SSBP2: variants seen among roughly 807,000 people sequenced by gnomAD.
SSBP2 encodes the protein single-stranded DNA-binding protein 2.
In SSBP2, 17 loss-of-function variants were observed where a neutral mutation model predicts 61.8. That is an observed-to-expected ratio of 0.28 (90% CI 0.19 to 0.41). The LOEUF (loss-of-function observed/expected upper bound fraction) is 0.41. SSBP2 is among the 10% of genes least tolerant of loss of function. SSBP2 has a pLI of 1.00. For synonymous variants in SSBP2, 139 were observed against 141.3 expected, an observed-to-expected ratio of 0.98 and a Z score of 0.12; for missense variants, 310 against 458.7, an observed-to-expected ratio of 0.68 and a Z score of 2.96.
At chr5:81,446,040 A>C (rs939487692) in intron 12 of SSBP2, among the ~76,000 whole-genome samples, 1 of 152,172 alleles carries the variant, frequency 6.6e-6, no homozygotes, top group Non-Finnish European at 1.5e-5. Context: ...ACTAAAATTG[A>C]ATTAGGCATG....
At chr5:81,448,762 A>C in intron 11 of SSBP2, 28 bp downstream of exon 11, 1 of 1,603,818 alleles carries the variant, frequency 6.2e-7, no homozygotes, top group South Asian at 1.1e-5. Context: ...ATCAATTCTT[A>C]TAAGCAAACA....
chr5:81,420,914 T>C (rs1761567478), intron 16 of SSBP2, among the ~76,000 whole-genome samples: 1 of 152,168 alleles, frequency 6.6e-6, no homozygotes. Context: ...GTCTTTGCTG[T>C]CTACTAGCTT....
intron 4 of SSBP2, among the ~76,000 whole-genome samples, chr5:81,602,934 C>G (rs1400450739): frequency 6.6e-6 from 1 of 152,166 alleles, no homozygotes; most frequent in Non-Finnish European, 1.5e-5. Context: ...TTCAATCCCT[C>G]ACCATCAGTC....
chr5:81,559,382 AT>A (rs1772857854), intron 4 of SSBP2, among the ~76,000 whole-genome samples: 1 of 121,880 alleles, frequency 8.2e-6, no homozygotes, highest in African/African-American at 3.1e-5. Flanking sequence ...GCGAGATTTC[AT>A]CAAAAAAAAA....
At chr5:81,704,454 C>T (rs1460635626) in intron 1 of SSBP2, among the ~76,000 whole-genome samples, 1 of 152,088 alleles carries the variant, frequency 6.6e-6, no homozygotes, top group East Asian at 1.9e-4. Flanking sequence ...CACATATATA[C>T]ACATGCACAC....
At chr5:81,598,363 T>C (rs1307675906) in intron 4 of SSBP2, among the ~76,000 whole-genome samples, 1 of 152,162 alleles carries the variant, frequency 6.6e-6, no homozygotes, top group African/African-American at 2.4e-5. Flanking sequence ...GAGAATTCTA[T>C]ACTCAGGGAA....
In SSBP2 at chr5:81,727,001, G is replaced by A. The variant is rs1006878876; in HGVS notation, c.62+23980C>T. 3.3e-5 allele frequency among the ~76,000 whole-genome samples: 5 copies of A among 152,206 alleles called. No individual in the cohort carries two copies. In the South Asian group the frequency reaches 6.2e-4, roughly 19 times the overall value. On this transcript the variant is annotated intron_variant, in intron 1 of 16. Coordinates refer to ENST00000320672, the MANE Select transcript of SSBP2 (RefSeq NM_012446.5). ...TACAGTAACACCCCATTTATCCAGC[G>A]TCATTGGGAAAGGAAAGTGTTCATC...
chr5:81,549,854 C>G (rs1453910492), intron 4 of SSBP2, among the ~76,000 whole-genome samples: 1 of 152,178 alleles, frequency 6.6e-6, no homozygotes, highest in Non-Finnish European at 1.5e-5. Context: ...TATCGACTGC[C>G]TGTTACTATG....
chr5:81,703,427 G>C (rs1232071320), intron 1 of SSBP2, among the ~76,000 whole-genome samples: 1 of 152,106 alleles, frequency 6.6e-6, no homozygotes, highest in African/African-American at 2.4e-5. Context: ...GTGATTCCCT[G>C]AGACAGGAAA....
intron 4 of SSBP2, among the ~76,000 whole-genome samples, chr5:81,588,135 T>C (rs531741330): frequency 6.6e-6 from 1 of 151,770 alleles, no homozygotes; most frequent in East Asian, 1.9e-4. Flanking sequence ...CTAGCTAATT[T>C]TAAAAAAAAT....
chr5:81,729,480 C>T (rs983010149), intron 1 of SSBP2, among the ~76,000 whole-genome samples: 2 of 151,982 alleles, frequency 1.3e-5, no homozygotes, highest in African/African-American at 4.8e-5. Context: ...AAATGAGGAA[C>T]AGGTATAGAG....
intron 1 of SSBP2, among the ~76,000 whole-genome samples, chr5:81,717,656 C>T (rs1016469785): frequency 6.6e-6 from 1 of 152,106 alleles, no homozygotes; most frequent in Admixed American, 6.6e-5. Flanking sequence ...ACCAAGGTCC[C>T]CACAAAATTT....
At chr5:81,737,896 T>A (rs1581451571) in intron 1 of SSBP2, among the ~76,000 whole-genome samples, 1 of 152,308 alleles carries the variant, frequency 6.6e-6, no homozygotes, top group East Asian at 1.9e-4. Flanking sequence ...TTTCCTTGAT[T>A]TCTGCTAATG....
intron 1 of SSBP2, among the ~76,000 whole-genome samples, chr5:81,749,872 T>C (rs2154032696): frequency 6.6e-6 from 1 of 152,192 alleles, no homozygotes; most frequent in African/African-American, 2.4e-5. Context: ...TTAACACCTG[T>C]ATCTCCCCAC....
intron 1 of SSBP2, among the ~76,000 whole-genome samples, chr5:81,660,527 A>G (rs746566183): frequency 1.3e-5 from 2 of 152,170 alleles, no homozygotes; most frequent in African/African-American, 2.4e-5. Flanking sequence ...GTGAGGCTGT[A>G]GAGAAACAGG....
At chr5:81,583,702 C>G (rs1356875690) in intron 4 of SSBP2, among the ~76,000 whole-genome samples, 1 of 151,562 alleles carries the variant, frequency 6.6e-6, no homozygotes, top group African/African-American at 2.4e-5. Context: ...TGTTGACCCA[C>G]TAGCTGCTCA....
intron 1 of SSBP2, among the ~76,000 whole-genome samples, chr5:81,702,628 C>T (rs577646375): frequency 1.6e-4 from 25 of 152,280 alleles, no homozygotes; most frequent in South Asian, 1.5e-3. Flanking sequence ...TTCATCCAGA[C>T]ATTTGAGTGT....
At chr5:81,439,545 A>T (rs1316325156) in intron 14 of SSBP2, among the ~76,000 whole-genome samples, 1 of 148,858 alleles carries the variant, frequency 6.7e-6, no homozygotes, top group African/African-American at 2.5e-5. Context: ...CTCGTCACCC[A>T]GGCTGCAGTG....
intron 1 of SSBP2, among the ~76,000 whole-genome samples, chr5:81,722,680 T>G (rs1424254547): frequency 1.3e-5 from 2 of 152,020 alleles, no homozygotes; most frequent in Non-Finnish European, 2.9e-5. Flanking sequence ...CATATGATGT[T>G]AGTAAGATTA....
Sources: allele counts gnomAD v4.1 joint callset (sites outside exome capture counted in the v4.1 genomes callset), GRCh38; gene constraint gnomAD v4.1.1; transcripts MANE v1.5; gene names NCBI Gene and HGNC (gene_info 2026-07-23, HGNC 2026-07-21).